ASH2L: variants seen among roughly 807,000 people sequenced by gnomAD.
ASH2L encodes ASH2 like, histone lysine methyltransferase complex subunit, also known as set1/Ash2 histone methyltransferase complex subunit ASH2.
A neutral mutation model predicts 81.1 loss-of-function variants in ASH2L; 30 were observed. The observed-to-expected ratio is 0.37, with a 90% CI of 0.28 to 0.50. ASH2L has a LOEUF of 0.50. ASH2L is among the 20% of genes least tolerant of loss of function. The pLI is 0.95. For missense variants in ASH2L, 559 were observed against 792.1 expected, an observed-to-expected ratio of 0.71 and a Z score of 3.53; for synonymous variants, 273 against 279.9, an observed-to-expected ratio of 0.98 and a Z score of 0.24.
In ASH2L at chr8:38,130,156, CAT is replaced by C. The variant is rs374140141; in HGVS notation, c.1527+1208_1527+1209del. 2.4e-3 allele frequency among the ~76,000 whole-genome samples: 358 copies of C among 146,354 alleles called. 1 individual carries two copies. The highest frequency in any genetic ancestry group is 8.0e-3 in the African/African-American group (317 of 39,690). ...ATTTTTCATGTGCTTTTCGGCCACT[CAT>C]ATGTTTTTTGTGAAGTTTCTCTTCA... On this transcript the variant is annotated intron_variant, in intron 12 of 15. Coordinates refer to ENST00000343823, the MANE Select transcript of ASH2L (RefSeq NM_004674.5).
Position 38,127,742 on chromosome 8 carries a change from C to CAA in ASH2L, c.1166-531_1166-530dup, listed in dbSNP as rs780876575. ...TGGGCTACAGAACAAGACTCTGTCTCAAAAAAAAAAAAAAAAAAAGATAAG... is the reference window on the plus strand; with the variant it reads ...TGGGCTACAGAACAAGACTCTGTCTCAAAAAAAAAAAAAAAAAAAAAGATAAG... On this transcript the variant is annotated intron_variant, in intron 10 of 15. Transcript: ENST00000343823. Among the ~76,000 whole-genome samples the CAA allele has an allele frequency of 1.8e-4, 12 of 67,994 alleles. No homozygotes were observed. The South Asian group carries it at 1.9e-3, about 11-fold the overall frequency. The allele number at this position is 67,994 out of a possible 152,430, so 44.6% of individuals were successfully genotyped here. A position where few individuals can be genotyped will look rare whatever the true frequency, so the allele number is the denominator to read the frequency against.
intron 14 of ASH2L, 64 bp from the exon 15 acceptor site, chr8:38,138,752 A>G (rs1479699652): frequency 5.5e-6 from 8 of 1,452,714 alleles, no homozygotes; most frequent in Admixed American, 3.4e-5. Context: ...TCCTGTGTCA[A>G]ATTAACTTTT....
At chr8:38,130,623 G>A (rs987625486) in intron 12 of ASH2L, among the ~76,000 whole-genome samples, 1 of 151,188 alleles carries the variant, frequency 6.6e-6, no homozygotes, top group African/African-American at 2.4e-5. Flanking sequence ...TCTTTAGATG[G>A]AGTCTCGCTC....
At chr8:38,112,962 G>A (rs1810746998) in intron 5 of ASH2L, among the ~76,000 whole-genome samples, 1 of 150,630 alleles carries the variant, frequency 6.6e-6, no homozygotes, top group African/African-American at 2.4e-5. Flanking sequence ...GTCCATTGTT[G>A]GAATTTTTTT....
chr8:38,135,880 C>T (rs934118424), intron 14 of ASH2L, 114 bp downstream of exon 14: 27 of 708,516 alleles, frequency 3.8e-5, no homozygotes, highest in East Asian at 2.2e-4. Context: ...GAGTGGCATG[C>T]GCATGTGTTG....
At chr8:38,134,121 CAGCATGCTCGTTA>C (rs1436951923) in intron 13 of ASH2L, among the ~76,000 whole-genome samples, 8 of 152,138 alleles carry the variant, frequency 5.3e-5, no homozygotes, top group Non-Finnish European at 1.0e-4. Context: ...TGCTTGAAGG[CAGCATGCTCGTTA>C]AGAGTCATCA....
intron 5 of ASH2L, 109 bp from the exon 6 acceptor site, chr8:38,114,081 CAT>C: frequency 1.5e-6 from 1 of 652,772 alleles, no homozygotes. Flanking sequence ...GAAAAACTAA[CAT>C]GGATTTTTCT....
At chr8:38,131,004 T>A (rs1430187398) in intron 12 of ASH2L, among the ~76,000 whole-genome samples, 1 of 152,210 alleles carries the variant, frequency 6.6e-6, no homozygotes, top group Non-Finnish European at 1.5e-5. Context: ...GAAAATCAGA[T>A]GTTTGTGTTA....
At position 38,135,589 on chromosome 8, in the gene ASH2L, T is replaced by C. The variant is rs1016123909; in HGVS notation, c.1621-79T>C. ...ACTAGCAGTCTGGCAGCAGCACTTCTAACATATTTTCCTAGAGAGTTCTTT... is the reference window on the plus strand; with the variant it reads ...ACTAGCAGTCTGGCAGCAGCACTTCCAACATATTTTCCTAGAGAGTTCTTT... On this transcript the variant is annotated intron_variant, in intron 13 of 15. Coordinates refer to ENST00000343823, the MANE Select transcript of ASH2L (RefSeq NM_004674.5). 6.7e-6 allele frequency: 7 copies of C among 1,040,806 alleles called. No individual in the cohort carries two copies. The African/African-American group carries it at 1.1e-4, about 17-fold the overall frequency. 64.5% of individuals were successfully genotyped at this position (1,040,806 alleles called of 1,614,324 possible).
intron 7 of ASH2L, 124 bp downstream of exon 7, chr8:38,115,124 G>A: frequency 3.1e-6 from 2 of 642,448 alleles, no homozygotes; most frequent in Middle Eastern, 4.1e-4. Flanking sequence ...ATAGCATGGT[G>A]GACTCCAAAA....
chr8:38,113,098 A>T (rs1297470697), intron 5 of ASH2L, among the ~76,000 whole-genome samples: 1 of 151,968 alleles, frequency 6.6e-6, no homozygotes, highest in African/African-American at 2.4e-5. Flanking sequence ...CCTCCTGAGT[A>T]GCTGGGACTA....
At position 38,128,971 on chromosome 8, in the gene ASH2L, G is replaced by C; in HGVS notation, c.1527+20G>C. On this transcript the variant is annotated intron_variant, in intron 12 of 15. Transcript: ENST00000343823. ...GATAAGGTGAGTTTGTCCTCTCCCG[G>C]CAGATTCCTGGCTTTGAAGGCCTGT... The C allele has an allele frequency of 6.2e-7, 1 of 1,602,928 alleles. No homozygotes were observed. Among genetic ancestry groups the C allele is most frequent in the Admixed American group, 1.7e-5 (1 of 57,650 alleles).
At chr8:38,110,572 T>C (rs1038261531) in intron 4 of ASH2L, 105 bp downstream of exon 4, 10 of 1,254,534 alleles carry the variant, frequency 8.0e-6, no homozygotes, top group Non-Finnish European at 1.2e-5. Flanking sequence ...CTGGTATAAA[T>C]TCAGTTGGGG....
At chr8:38,106,085 C>T in intron 1 of ASH2L, 1 of 1,524,518 alleles carries the variant, frequency 6.6e-7, no homozygotes, top group Non-Finnish European at 8.8e-7. Flanking sequence ...ACTCTGAAAA[C>T]AGGGTGGGAG....
intron 5 of ASH2L, among the ~76,000 whole-genome samples, chr8:38,111,217 C>T (rs547383335): frequency 1.3e-5 from 2 of 152,266 alleles, no homozygotes; most frequent in South Asian, 4.2e-4. Flanking sequence ...AGGCGTGAGC[C>T]ACCGCACCTG....
At chr8:38,115,026 T>G in intron 7 of ASH2L, 26 bp downstream of exon 7, 1 of 1,499,568 alleles carries the variant, frequency 6.7e-7, no homozygotes, top group African/African-American at 1.4e-5. Flanking sequence ...TTACATTTTC[T>G]TTTTGATTTT....
At chr8:38,127,847 A>C (rs1252086234) in intron 10 of ASH2L, among the ~76,000 whole-genome samples, 2 of 151,348 alleles carry the variant, frequency 1.3e-5, no homozygotes, top group Non-Finnish European at 2.9e-5. Context: ...GGAGTTCGAG[A>C]CCAGCCTGAC....
chr8:38,114,062 C>T (rs1810795249), intron 5 of ASH2L, 130 bp from the exon 6 acceptor site: 1 of 584,904 alleles, frequency 1.7e-6, no homozygotes, highest in Admixed American at 3.5e-5. Context: ...TTGTATAACA[C>T]CGTGGGGGGA....
intron 10 of ASH2L, among the ~76,000 whole-genome samples, chr8:38,125,563 G>C (rs565886725): frequency 6.6e-6 from 1 of 150,972 alleles, no homozygotes; most frequent in Admixed American, 6.6e-5. Context: ...AGCCGAGATC[G>C]CGCCATTGCA....
Sources: allele counts gnomAD v4.1 joint callset (sites outside exome capture counted in the v4.1 genomes callset), GRCh38; gene constraint gnomAD v4.1.1; transcripts MANE v1.5; gene names NCBI Gene and HGNC (gene_info 2026-07-23, HGNC 2026-07-21).